Variants in SUV39H2 observed in about 807,000 individuals in gnomAD.
SUV39H2 encodes the protein SUV39H2 histone lysine methyltransferase, also known as histone-lysine N-methyltransferase SUV39H2.
A neutral mutation model predicts 47.5 loss-of-function variants in SUV39H2; 10 were observed. The ratio of observed to expected loss-of-function variants is 0.21; its 90% CI spans 0.13 to 0.36. SUV39H2 has a LOEUF of 0.36. Ranked by LOEUF, SUV39H2 falls within the 10% of genes least tolerant of loss-of-function variation. The probability of loss-of-function intolerance (pLI) is 1.00; values close to 1 mark genes in which losing one functional copy is unlikely to be tolerated. For synonymous variants in SUV39H2, 159 were observed against 166.8 expected, an observed-to-expected ratio of 0.95 and a Z score of 0.36; for missense variants, 266 against 487.4, an observed-to-expected ratio of 0.55 and a Z score of 4.28.
chr10:14,886,521 C>CATTGA (rs762551632), intron 2 of SUV39H2, among the ~76,000 whole-genome samples: 17 of 152,204 alleles, frequency 1.1e-4, no homozygotes, highest in Non-Finnish European at 1.3e-4. Context: ...GGTCCATGGT[C>CATTGA]ATTGAATTGA....
chr10:14,881,090 G>GT (rs1478259166), intron 1 of SUV39H2, among the ~76,000 whole-genome samples: 1 of 152,168 alleles, frequency 6.6e-6, no homozygotes, highest in African/African-American at 2.4e-5. Flanking sequence ...TTTTAGATAT[G>GT]TTTTTAAGAA....
Position 14,899,520 on chromosome 10 carries a change from T to C in SUV39H2, c.850-19T>C. On this transcript the variant is annotated intron_variant, in intron 3 of 5. Transcript: ENST00000354919. ...TGGTTCAGTAGCTACGTAATATACT[T>C]ACAGTTTTTTCTGTTTAGGTAATCA... The C allele has an allele frequency of 1.2e-6, 2 of 1,613,064 alleles. No homozygotes were observed. Among genetic ancestry groups the C allele is most frequent in the Non-Finnish European group, 1.7e-6 (2 of 1,179,708 alleles).
At chr10:14,879,963 G>T (rs972980907) in intron 1 of SUV39H2, 7 of 149,426 alleles carry the variant, frequency 4.7e-5, no homozygotes, top group Non-Finnish European at 7.4e-5. Flanking sequence ...TCCTTTGCGG[G>T]TTGTGTTTTG....
chr10:14,899,526 T>A lies in SUV39H2; in HGVS notation c.850-13T>A. ...AGTAGCTACGTAATATACTTACAGT[T>A]TTTTCTGTTTAGGTAATCACAAGTG... On this transcript the variant is annotated splice_polypyrimidine_tract_variant and intron_variant, in intron 3 of 5. Transcript: ENST00000354919. 6.2e-7 allele frequency: 1 copy of A among 1,613,202 alleles called. No individual in the cohort carries two copies. The highest frequency in any genetic ancestry group is 8.5e-7 in the Non-Finnish European group (1 of 1,179,782).
At chr10:14,901,380 C>A in intron 5 of SUV39H2, 118 bp downstream of exon 5, 7 of 1,369,426 alleles carry the variant, frequency 5.1e-6, no homozygotes, top group Non-Finnish European at 7.0e-6. Flanking sequence ...AAAGTTGAGG[C>A]ACTAAGTTTG....
At chr10:14,893,420 G>A (rs1833460875) in intron 2 of SUV39H2, among the ~76,000 whole-genome samples, 1 of 152,184 alleles carries the variant, frequency 6.6e-6, no homozygotes, top group Admixed American at 6.5e-5. Context: ...TTCATATGAT[G>A]TATTCCAAAT....
chr10:14,897,840 A>T (rs1833694093), intron 3 of SUV39H2: 1 of 173,614 alleles, frequency 5.8e-6, no homozygotes, highest in Non-Finnish European at 1.2e-5. Context: ...AGAAACTCAG[A>T]TGTAACACAT....
At chr10:14,892,426 G>A (rs1435788587) in intron 2 of SUV39H2, among the ~76,000 whole-genome samples, 1 of 152,214 alleles carries the variant, frequency 6.6e-6, no homozygotes, top group Non-Finnish European at 1.5e-5. Context: ...TCAACATTCC[G>A]AACCTTAAAG....
chr10:14,899,472 A>G, intron 3 of SUV39H2, 67 bp from the exon 4 acceptor site: 1 of 1,529,126 alleles, frequency 6.5e-7, no homozygotes, highest in Non-Finnish European at 9.0e-7. Context: ...GCATATTAGT[A>G]GATAGGTAGA....
chr10:14,901,395 C>T (rs1384726034), intron 5 of SUV39H2, 133 bp downstream of exon 5: 10 of 1,197,050 alleles, frequency 8.4e-6, no homozygotes, highest in Non-Finnish European at 1.2e-5. Flanking sequence ...AGTTTGTCAT[C>T]CTAAGGTACA....
chr10:14,881,665 C>G lies in SUV39H2; in HGVS notation c.177+20C>G. The G allele has an allele frequency of 6.7e-7, 1 of 1,487,732 alleles. No homozygotes were observed. 92.2% of individuals were successfully genotyped at this position (1,487,732 alleles called of 1,614,324 possible). Reference sequence around the variant, plus strand: ...GTAAAGGTAAGGCAAATATCTAGCCCCTTACAAGAGACCTAATCAGACTTC... The same window carrying G: ...GTAAAGGTAAGGCAAATATCTAGCCGCTTACAAGAGACCTAATCAGACTTC... On this transcript the variant is annotated intron_variant, in intron 2 of 5. Coordinates refer to ENST00000354919, the MANE Select transcript of SUV39H2 (RefSeq NM_001193424.2).
chr10:14,882,544 C>T (rs1180002186), intron 2 of SUV39H2, among the ~76,000 whole-genome samples: 1 of 152,202 alleles, frequency 6.6e-6, no homozygotes, highest in East Asian at 1.9e-4. Context: ...ACCAGTCCAG[C>T]TGAGAATATT....
At chr10:14,899,470 G>A (rs185751453) in intron 3 of SUV39H2, 69 bp from the exon 4 acceptor site, 13 of 1,524,202 alleles carry the variant, frequency 8.5e-6, no homozygotes, top group Middle Eastern at 3.4e-4. Context: ...TCGCATATTA[G>A]TAGATAGGTA....
At chr10:14,879,208 C>A in intron 1 of SUV39H2, 6 of 998,024 alleles carry the variant, frequency 6.0e-6, no homozygotes, top group Non-Finnish European at 7.6e-6. Context: ...CTCCGCGTCT[C>A]CCGTGGCGGC....
chr10:14,889,988 TAGTA>T (rs1203567469), intron 2 of SUV39H2, among the ~76,000 whole-genome samples: 1 of 152,218 alleles, frequency 6.6e-6, no homozygotes, highest in East Asian at 1.9e-4. Flanking sequence ...GCACATAGCT[TAGTA>T]AGCTGAGCAA....
chr10:14,886,522 A>G (rs1358891767), intron 2 of SUV39H2, among the ~76,000 whole-genome samples: 1 of 152,144 alleles, frequency 6.6e-6, no homozygotes, highest in African/African-American at 2.4e-5. Flanking sequence ...GTCCATGGTC[A>G]TTGAATTGAA....
intron 2 of SUV39H2, among the ~76,000 whole-genome samples, chr10:14,888,189 G>A (rs1270423525): frequency 6.6e-6 from 1 of 152,194 alleles, no homozygotes; most frequent in Non-Finnish European, 1.5e-5. Flanking sequence ...CCCTGAATGG[G>A]TTGAGGGTGG....
intron 2 of SUV39H2, among the ~76,000 whole-genome samples, chr10:14,894,222 G>C (rs1339238207): frequency 6.8e-6 from 1 of 147,186 alleles, no homozygotes; most frequent in Non-Finnish European, 1.5e-5. Flanking sequence ...GTACATCTAG[G>C]CTTTTTTTTT....
rs777245168 is a variant in SUV39H2, at chr10:14,878,901, G to T, written c.13G>T (p.Gly5Trp). ...AAAGCTCTACAAGATGGCGGCGGTC[G>T]GGGCCGAGGCGCGAGGAGGTGAGGC... MAAVGAEARGAWCVP... is the reference protein window; with the variant it reads MAAVWAEARGAWCVP... Residue 5 changes from glycine (G) to tryptophan (W), a missense_variant, in exon 1 of 6, where the codon GGG (glycine) becomes TGG (tryptophan). Transcript: ENST00000354919. 2 of 1,483,364 alleles carry T rather than the reference G, an allele frequency of 1.3e-6. No homozygotes were observed. Among genetic ancestry groups the T allele is most frequent in the Non-Finnish European group, 1.8e-6 (2 of 1,115,298 alleles). The allele number at this position is 1,483,364 out of a possible 1,614,324, so 91.9% of individuals were successfully genotyped here. A position where few individuals can be genotyped will look rare whatever the true frequency, so the allele number is the denominator to read the frequency against.
Sources: gnomAD v4.1 joint callset for allele counts (sites outside exome capture counted in the v4.1 genomes callset) on GRCh38, gnomAD v4.1.1 for gene constraint, MANE v1.5 for transcripts, NCBI Gene and HGNC (gene_info 2026-07-23, HGNC 2026-07-21) for gene names.